CPQ: variants seen among roughly 807,000 people sequenced by gnomAD.
CPQ encodes Ser-Met dipeptidase.
In CPQ, 37 loss-of-function variants were observed where a neutral mutation model predicts 45.7. That is an observed-to-expected ratio of 0.81 (90% CI 0.62 to 1.07). The LOEUF is 1.07. Ranked by LOEUF, CPQ falls within the 50% of genes least tolerant of loss-of-function variation. CPQ has a pLI of 0.00. For missense variants in CPQ, 537 were observed against 572.9 expected (o/e 0.94, Z 0.64); for synonymous variants, 186 against 205.8 (o/e 0.90, Z 0.82).
At chr8:97,026,183 C>A (rs1809796510) in intron 5 of CPQ, among the ~76,000 whole-genome samples, 1 of 152,178 alleles carries the variant, frequency 6.6e-6, no homozygotes, top group Non-Finnish European at 1.5e-5. Flanking sequence ...TGGCACTGAC[C>A]AGAAAGGTCT....
At chr8:96,718,370 G>A (rs540780481) in intron 1 of CPQ, among the ~76,000 whole-genome samples, 1 of 152,252 alleles carries the variant, frequency 6.6e-6, no homozygotes, top group African/African-American at 2.4e-5. Context: ...TCCTTCTGGT[G>A]GGTTCGTGGT....
intron 6 of CPQ, among the ~76,000 whole-genome samples, chr8:97,058,793 C>T (rs1810498282): frequency 6.6e-6 from 1 of 152,036 alleles, no homozygotes; most frequent in Admixed American, 6.6e-5. Context: ...GCTCTTGAGT[C>T]CCACTACTTC....
chr8:97,058,790 A>C (rs752151918), intron 6 of CPQ, among the ~76,000 whole-genome samples: 5 of 152,194 alleles, frequency 3.3e-5, no homozygotes, highest in Non-Finnish European at 7.3e-5. Context: ...TGAGCTCTTG[A>C]GTCCCACTAC....
At chr8:96,980,698 T>C (rs1407980877) in intron 5 of CPQ, among the ~76,000 whole-genome samples, 1 of 152,132 alleles carries the variant, frequency 6.6e-6, no homozygotes, top group Non-Finnish European at 1.5e-5. Context: ...GTCAGGGGAA[T>C]CCTCACAGTG....
chr8:96,652,391 T>A (rs1815586610), intron 1 of CPQ, among the ~76,000 whole-genome samples: 1 of 152,258 alleles, frequency 6.6e-6, no homozygotes, highest in East Asian at 1.9e-4. Flanking sequence ...GACACTTCGG[T>A]TGATTCTATA....
intron 3 of CPQ, among the ~76,000 whole-genome samples, chr8:96,856,877 A>C (rs1221247375): frequency 6.6e-6 from 1 of 152,238 alleles, no homozygotes; most frequent in Non-Finnish European, 1.5e-5. Context: ...AGCAAGGACT[A>C]GGTCTTATAT....
chr8:97,115,941 A>C lies in CPQ; in HGVS notation c.1256-27079A>C, dbSNP rs188303971. ...GAAAACAAGGAATAAGTTGCAAAAG[A>C]GTATGAAAAGTTTGGTAATAAAGGC... On this transcript the variant is annotated intron_variant, in intron 7 of 7. Transcript: ENST00000220763. 1.6e-3 allele frequency among the ~76,000 whole-genome samples: 251 copies of C among 152,324 alleles called. 3 individuals are homozygous for C. The highest frequency in any genetic ancestry group is 0.013 in the Admixed American group (194 of 15,292).
intron 1 of CPQ, among the ~76,000 whole-genome samples, chr8:96,749,532 A>G (rs1810232014): frequency 6.6e-6 from 1 of 152,224 alleles, no homozygotes; most frequent in Non-Finnish European, 1.5e-5. Context: ...TCAATAAACA[A>G]CAAAGACCTT....
chr8:97,143,271 A>C lies in CPQ; in HGVS notation c.*88A>C. On this transcript the variant is annotated 3_prime_UTR_variant, in exon 8 of 8. Coordinates refer to ENST00000220763, the MANE Select transcript of CPQ (RefSeq NM_016134.4). Reference sequence around the variant, plus strand: ...AAACTCCTCTTCACATAACAATTTCATCCAATTCATCTTCAAAGCACAACT... The same window carrying C: ...AAACTCCTCTTCACATAACAATTTCCTCCAATTCATCTTCAAAGCACAACT... 2.3e-5 allele frequency: 27 copies of C among 1,191,272 alleles called. No homozygotes were observed. The highest frequency in any genetic ancestry group is 3.0e-5 in the Non-Finnish European group (25 of 832,802). 73.8% of individuals were successfully genotyped at this position (1,191,272 alleles called of 1,614,324 possible).
At chr8:97,106,585 A>T (rs569082719) in intron 7 of CPQ, among the ~76,000 whole-genome samples, 1 of 152,362 alleles carries the variant, frequency 6.6e-6, no homozygotes, top group African/African-American at 2.4e-5. Context: ...AAAATTTAAA[A>T]TTAAATTCTT....
chr8:96,895,339 A>G (rs1053525156), intron 4 of CPQ, among the ~76,000 whole-genome samples: 2 of 152,214 alleles, frequency 1.3e-5, no homozygotes, highest in African/African-American at 2.4e-5. Flanking sequence ...ATTTTCTTCT[A>G]TGAGTATCTT....
rs540014343 is a variant in CPQ, at chr8:96,862,507, T to C, written c.642-17291T>C. On this transcript the variant is annotated intron_variant, in intron 3 of 7. Coordinates refer to ENST00000220763, the MANE Select transcript of CPQ (RefSeq NM_016134.4). The stretch of plus-strand genomic sequence containing the variant: ...CAAATTTTGGGTGATCTTAAGGAGC[T>C]AGTTTAGGAATATGGAGTTACTTTG... Among the ~76,000 whole-genome samples the C allele has an allele frequency of 5.9e-5, 9 of 152,102 alleles. 1 individual carries two copies. Among genetic ancestry groups the C allele is most frequent in the African/African-American group, 2.2e-4 (9 of 41,516 alleles).
intron 4 of CPQ, among the ~76,000 whole-genome samples, chr8:96,882,311 C>T (rs937675096): frequency 6.6e-6 from 1 of 152,202 alleles, no homozygotes; most frequent in African/African-American, 2.4e-5. Flanking sequence ...TAGACAAGCC[C>T]AGCCCCTTGT....
chr8:96,924,185 T>C (rs887578819), intron 4 of CPQ, among the ~76,000 whole-genome samples: 2 of 152,148 alleles, frequency 1.3e-5, no homozygotes, highest in Admixed American at 6.5e-5. Context: ...GGGGTGATGG[T>C]GGTGATTCCA....
intron 2 of CPQ, among the ~76,000 whole-genome samples, chr8:96,814,968 A>G (rs1586411357): frequency 6.6e-6 from 1 of 152,278 alleles, no homozygotes; most frequent in South Asian, 2.1e-4. Context: ...ATGGAAATAG[A>G]AAGTACATTG....
intron 6 of CPQ, among the ~76,000 whole-genome samples, chr8:97,058,446 C>CTGTGTT (rs1810491050): frequency 3.3e-5 from 5 of 152,184 alleles, no homozygotes; most frequent in African/African-American, 1.2e-4. Flanking sequence ...AAACAAGAAA[C>CTGTGTT]ACATCTTTAT....
At chr8:97,080,608 G>T (rs11994180) in intron 7 of CPQ, among the ~76,000 whole-genome samples, 13,127 of 152,120 alleles carry the variant, frequency 0.086, 664 homozygotes, top group South Asian at 0.11. Flanking sequence ...GTTCAGAAGT[G>T]GCCACCTAAC....
chr8:96,851,945 T>C (rs565291790), intron 3 of CPQ, among the ~76,000 whole-genome samples: 2 of 152,332 alleles, frequency 1.3e-5, no homozygotes, highest in South Asian at 4.1e-4. Flanking sequence ...TAGCAGTTAC[T>C]AAATTTGGTT....
rs550297463 is a variant in CPQ, at chr8:96,799,744, G to T, written c.433+14414G>T. ...ATGTATTTTGTCTGTGACTATAGGG[G>T]TTGTTCCCACTTTACAAATGATAAG... On this transcript the variant is annotated intron_variant, in intron 2 of 7. Transcript: ENST00000220763. Among the ~76,000 whole-genome samples the T allele has an allele frequency of 2.6e-5, 4 of 152,144 alleles. No individual in the cohort carries two copies. In the South Asian group the frequency reaches 8.3e-4, roughly 32 times the overall value.
Sources: gnomAD v4.1 joint callset for allele counts (sites outside exome capture counted in the v4.1 genomes callset) on GRCh38, gnomAD v4.1.1 for gene constraint, MANE v1.5 for transcripts, NCBI Gene and HGNC (gene_info 2026-07-23, HGNC 2026-07-21) for gene names.